NUBP1: variants seen among roughly 807,000 people sequenced by gnomAD.
The protein encoded by NUBP1 is cytosolic Fe-S cluster assembly factor NUBP1.
Under a neutral mutation model 41.8 loss-of-function variants are expected in NUBP1, and 46 were observed. The ratio of observed to expected loss-of-function variants is 1.10; its 90% confidence interval spans 0.87 to 1.41. The LOEUF is 1.41. NUBP1 is among the 40% of genes most tolerant of loss of function. The pLI is 0.00. For synonymous variants in NUBP1, 189 were observed against 154.6 expected (o/e 1.22, Z -1.65); for missense variants, 494 against 414.0 (o/e 1.19, Z -1.68).
At chr16:10,762,513 C>T (rs915707034) in intron 9 of NUBP1, among the ~76,000 whole-genome samples, 1 of 152,244 alleles carries the variant, frequency 6.6e-6, no homozygotes, top group South Asian at 2.1e-4. Flanking sequence ...ACACTCGAAG[C>T]TGCTCCCCCA....
chr16:10,761,309 A>G, intron 7 of NUBP1, 55 bp from the exon 8 acceptor site: 1 of 1,530,334 alleles, frequency 6.5e-7, no homozygotes, highest in Non-Finnish European at 9.0e-7. Context: ...GGTTGCACAG[A>G]CATTCCCTTT....
chr16:10,758,581 A>C (rs1900732293), intron 7 of NUBP1, among the ~76,000 whole-genome samples: 1 of 152,224 alleles, frequency 6.6e-6, no homozygotes, highest in Non-Finnish European at 1.5e-5. Context: ...TAGTGGGTCA[A>C]GAATGCTTTT....
At position 10,767,993 on chromosome 16, in the gene NUBP1, G is replaced by T. The variant is rs1248712331; in HGVS notation, c.865G>T (p.Asp289Tyr). The change falls in exon 10 of 11, where the codon GAT (aspartate) becomes TAT (tyrosine). Residue 289 changes from aspartate (D) to tyrosine (Y), a missense_variant. Physicochemically the swap from Asp to Tyr is radical, Grantham distance 160. Transcript: ENST00000283027. This position sits in a 1 kb window ranked among gnomAD's most constrained non-coding sequence, Gnocchi z 4.6. The part of the protein sequence containing the change: ...KGQSFFIDAP[D>Y]SPATLAYRSI... Reference sequence around the variant, plus strand: ...CCAGTCTTTTTTCATTGACGCCCCAGATTCCCCAGCCACGTTAGCCTACAG... The same window carrying T: ...CCAGTCTTTTTTCATTGACGCCCCATATTCCCCAGCCACGTTAGCCTACAG... The T allele has an allele frequency of 6.2e-7, 1 of 1,614,102 alleles. No homozygotes were observed. Among genetic ancestry groups the T allele is most frequent in the Admixed American group, 1.7e-5 (1 of 60,012 alleles).
At chr16:10,761,129 A>T (rs1900939379) in intron 7 of NUBP1, 1 of 414,646 alleles carries the variant, frequency 2.4e-6, no homozygotes, top group Admixed American at 4.1e-5. Flanking sequence ...AACTGCCCCC[A>T]TGATCCAATC....
rs533970446 is a variant in NUBP1 at position 10,768,290 on chromosome 16, A to C, written c.904+258A>C. 120 of 253,140 alleles carry C rather than the reference A, an allele frequency of 4.7e-4. No homozygotes were observed. Among genetic ancestry groups the C allele is most frequent in the Admixed American group, 3.2e-4 (6 of 18,922 alleles). 15.7% of individuals were successfully genotyped at this position (253,140 alleles called of 1,614,324 possible). On this transcript the variant is annotated intron_variant, in intron 10 of 10. Transcript: ENST00000283027. This position sits in a 1 kb window ranked among gnomAD's most constrained non-coding sequence, Gnocchi z 4.3. ...TCCCAATAAAGGGATAAAGTAATTC[A>C]TTTTTAAAAGTAACTGATAAAAAAA...
rs2030991477 is a variant in NUBP1 at position 10,767,087 on chromosome 16, G to A, written c.821-862G>A. 3.0e-5 allele frequency: 12 copies of A among 398,776 alleles called. No individual in the cohort carries two copies. The East Asian group carries it at 3.9e-4, about 13-fold the overall frequency. The allele number at this position is 398,776 out of a possible 1,614,324, so 24.7% of individuals were successfully genotyped here. On this transcript the variant is annotated intron_variant, in intron 9 of 10. Transcript: ENST00000283027. The surrounding 1 kb of genome is among the most constrained non-coding windows in gnomAD (Gnocchi z 4.6). ...GTGCTAGGTAGGAACCCCTCCTGGGGTTCACCTGAGGCTGGTGACCGGCCA... is the reference window on the plus strand; with the variant it reads ...GTGCTAGGTAGGAACCCCTCCTGGGATTCACCTGAGGCTGGTGACCGGCCA...
intron 2 of NUBP1, among the ~76,000 whole-genome samples, chr16:10,746,521 A>T (rs1900071154): frequency 6.6e-6 from 1 of 152,194 alleles, no homozygotes; most frequent in Non-Finnish European, 1.5e-5. Context: ...TGGGTGGATC[A>T]CTTGAGGTTG....
At position 10,765,327 on chromosome 16, in the gene NUBP1, TAAA is replaced by T. The variant is rs533208449; in HGVS notation, c.821-2602_821-2600del. On this transcript the variant is annotated intron_variant, in intron 9 of 10. Coordinates refer to ENST00000283027, the MANE Select transcript of NUBP1 (RefSeq NM_002484.4). The surrounding 1 kb of genome is among the most constrained non-coding windows in gnomAD (Gnocchi z 4.0). Reference sequence around the variant, plus strand: ...TAACACAGGAAGATACCTCATCTCTTAAAAAAAAAAAAAAAAAAAAAAGGAAAA... The same window carrying T: ...TAACACAGGAAGATACCTCATCTCTTAAAAAAAAAAAAAAAAAAAGGAAAA... Among the ~76,000 whole-genome samples the T allele has an allele frequency of 0.069, 7,622 of 111,162 alleles. 314 individuals carry two copies. Among genetic ancestry groups the T allele is most frequent in the South Asian group, 0.21 (735 of 3,464 alleles). The allele number at this position is 111,162 out of a possible 152,430, so 72.9% of individuals were successfully genotyped here.
intron 4 of NUBP1, among the ~76,000 whole-genome samples, chr16:10,754,950 C>T (rs1396456512): frequency 6.6e-6 from 1 of 152,096 alleles, no homozygotes; most frequent in Non-Finnish European, 1.5e-5. Flanking sequence ...GAGGCTAAGG[C>T]AGGAGAATCA....
chr16:10,750,546 T>C (rs1359016980), intron 3 of NUBP1, among the ~76,000 whole-genome samples: 1 of 152,244 alleles, frequency 6.6e-6, no homozygotes, highest in Non-Finnish European at 1.5e-5. Context: ...CCAGCCACCA[T>C]AAATTAAACA....
At position 10,756,764 on chromosome 16, in the gene NUBP1, G is replaced by A. The variant is rs1382999309; in HGVS notation, c.435G>A (p.Arg145=). The A allele has an allele frequency of 6.3e-7, 1 of 1,591,162 alleles. No individual in the cohort carries two copies. The highest frequency in any genetic ancestry group is 8.5e-7 in the Non-Finnish European group (1 of 1,171,600). Residue 145 remains arginine, a synonymous_variant, in exon 6 of 11, where the codon AGG becomes AGA. Coordinates refer to ENST00000283027, the MANE Select transcript of NUBP1 (RefSeq NM_002484.4). ...GTCCTGATGATGCTGTTATCTGGAG[G>A]GGACCCAAGAAAAACGGTTTGCCAC... The part of the protein sequence containing the change: ...LSSPDDAVIW[R]GPKKNGMIKQ...
Position 10,757,975 on chromosome 16 carries a change from G to C in NUBP1, c.554G>C (p.Arg185Pro). Residue 185 changes from arginine to proline, a missense_variant, in exon 7 of 11, where the codon CGG becomes CCG. Transcript: ENST00000283027. The surrounding 1 kb of genome is among the most constrained non-coding windows in gnomAD (Gnocchi z 4.1). ...TCGGATGAACACCTCTCGGTCGTCC[G>C]GTACCTGGCCACAGCACACATCGAT... ...GTSDEHLSVV[R>P]YLATAHIDGA... 1.2e-6 allele frequency: 2 copies of C among 1,614,028 alleles called. No individual in the cohort carries two copies. Among genetic ancestry groups the C allele is most frequent in the African/African-American group, 1.3e-5 (1 of 74,990 alleles).
Position 10,757,967 on chromosome 16 carries a change from G to T in NUBP1, c.546G>T (p.Ser182=), listed in dbSNP as rs150735725. 36 of 1,614,060 alleles carry T rather than the reference G, an allele frequency of 2.2e-5. No homozygotes were observed. In the African/African-American group the frequency reaches 3.5e-4, roughly 16 times the overall value. Residue 182 remains serine (S), a synonymous_variant, in exon 7 of 11, where the codon TCG becomes TCT. Coordinates refer to ENST00000283027, the MANE Select transcript of NUBP1 (RefSeq NM_002484.4). The surrounding 1 kb of genome is among the most constrained non-coding windows in gnomAD (Gnocchi z 4.1). The part of the protein sequence containing the change: ...TPPGTSDEHL[S]VVRYLATAHI... The stretch of plus-strand genomic sequence containing the variant: ...CTGGGACGTCGGATGAACACCTCTC[G>T]GTCGTCCGGTACCTGGCCACAGCAC...
Position 10,749,132 on chromosome 16 carries a change from C to G in NUBP1, c.258+1856C>G, listed in dbSNP as rs922982609. Reference sequence around the variant, plus strand: ...AGATAGATACACAGACACATACACACACACACACACACACACACACACACA... The same window carrying G: ...AGATAGATACACAGACACATACACAGACACACACACACACACACACACACA... On this transcript the variant is annotated intron_variant, in intron 3 of 10. Transcript: ENST00000283027. This position sits in a 1 kb window ranked among gnomAD's most constrained non-coding sequence, Gnocchi z 4.1. Among the ~76,000 whole-genome samples the G allele has an allele frequency of 4.6e-4, 38 of 82,512 alleles. 1 individual carries two copies. Among genetic ancestry groups the G allele is most frequent in the African/African-American group, 1.1e-3 (30 of 26,206 alleles). 54.1% of individuals were successfully genotyped at this position (82,512 alleles called of 152,430 possible).
Position 10,756,903 on chromosome 16 carries a change from C to G in NUBP1, c.451+123C>G. 8.9e-6 allele frequency: 6 copies of G among 677,874 alleles called. No homozygotes were observed. In the South Asian group the frequency reaches 1.2e-4, roughly 14 times the overall value. 42.0% of individuals were successfully genotyped at this position (677,874 alleles called of 1,614,324 possible). On this transcript the variant is annotated intron_variant, in intron 6 of 10. Transcript: ENST00000283027. ...GACTTCACAGTATATTATTTTTAACCATCCAGTGCCTCTTTCTTCACTGGT... is the reference window on the plus strand; with the variant it reads ...GACTTCACAGTATATTATTTTTAACGATCCAGTGCCTCTTTCTTCACTGGT...
chr16:10,750,345 A>G (rs1900264414), intron 3 of NUBP1, among the ~76,000 whole-genome samples: 1 of 152,196 alleles, frequency 6.6e-6, no homozygotes, highest in Admixed American at 6.5e-5. Context: ...CCCGGGCTCA[A>G]GCAGTTCTGC....
chr16:10,762,471 G>A (rs1003482154), intron 9 of NUBP1, among the ~76,000 whole-genome samples: 88 of 152,346 alleles, frequency 5.8e-4, no homozygotes, highest in African/African-American at 1.9e-3. Context: ...CCCGCCGGGC[G>A]CCCACTCGCC....
At chr16:10,747,380 TC>T (rs1900111596) in intron 3 of NUBP1, 104 bp downstream of exon 3, 4 of 1,477,214 alleles carry the variant, frequency 2.7e-6, no homozygotes, top group Non-Finnish European at 2.7e-6. Context: ...ATGCCTGTAA[TC>T]CCAGCACTTT....
chr16:10,761,847 G>C lies in NUBP1; in HGVS notation c.808G>C (p.Asp270His), dbSNP rs2029953696. Residue 270 changes from aspartate (D) to histidine (H), a missense_variant, in exon 9 of 11, where the codon GAT (aspartate) becomes CAT (histidine). Physicochemically the swap from Asp to His is moderately conservative, Grantham distance 81. Coordinates refer to ENST00000283027, the MANE Select transcript of NUBP1 (RefSeq NM_002484.4). ...EVPLLGRVPLDPLIGKNCDKG... is the reference protein window; with the variant it reads ...EVPLLGRVPLHPLIGKNCDKG... ...CCCTCTCCTCGGCAGAGTGCCCCTG[G>C]ATCCGCTCATAGGTGGGTGACCCCA... 1 of 1,613,824 alleles carries C rather than the reference G, an allele frequency of 6.2e-7. No homozygotes were observed. Among genetic ancestry groups the C allele is most frequent in the East Asian group, 2.2e-5 (1 of 44,860 alleles).
Sources: allele counts gnomAD v4.1 joint callset (sites outside exome capture counted in the v4.1 genomes callset), GRCh38; gene constraint gnomAD v4.1.1; non-coding constraint Gnocchi (gnomAD v3.1); transcripts MANE v1.5; gene names NCBI Gene and HGNC (gene_info 2026-07-23, HGNC 2026-07-21).